Variants in CLIC4 observed in about 807,000 individuals in gnomAD.
CLIC4 encodes CLIC family member 4, also known as chloride intracellular channel protein 4.
In CLIC4, 13 loss-of-function variants were observed where a neutral mutation model predicts 24.6. That is an observed-to-expected ratio of 0.53 (90% CI 0.34 to 0.84). The LOEUF (loss-of-function observed/expected upper bound fraction) is 0.84. CLIC4 is among the 40% of genes least tolerant of loss of function. The pLI is 0.01. For synonymous variants in CLIC4, 104 were observed against 111.3 expected, an observed-to-expected ratio of 0.93 and a Z score of 0.41; for missense variants, 227 against 301.7, an observed-to-expected ratio of 0.75 and a Z score of 1.83.
intron 1 of CLIC4, among the ~76,000 whole-genome samples, chr1:24,763,388 A>G (rs1020629875): frequency 3.9e-5 from 6 of 151,916 alleles, no homozygotes; most frequent in African/African-American, 1.2e-4. Context: ...AAAAATACAA[A>G]AATTAGCCGG....
intron 2 of CLIC4, among the ~76,000 whole-genome samples, chr1:24,809,002 A>T (rs1639585922): frequency 6.6e-6 from 1 of 152,016 alleles, no homozygotes; most frequent in South Asian, 2.1e-4. Flanking sequence ...TTTGATCCTC[A>T]GTTGGTTGAA....
chr1:24,827,895 G>A (rs754868176), intron 4 of CLIC4, among the ~76,000 whole-genome samples: 1 of 152,150 alleles, frequency 6.6e-6, no homozygotes, highest in Non-Finnish European at 1.5e-5. Flanking sequence ...ATGTTAAGCA[G>A]AGTTCTCTCT....
Position 24,841,718 on chromosome 1 carries a change from T to C in CLIC4, c.*781T>C, listed in dbSNP as rs1639945618. The C allele has an allele frequency of 1.3e-5, 2 of 152,642 alleles. No homozygotes were observed. The highest frequency in any genetic ancestry group is 2.1e-4 in the South Asian group (1 of 4,832). 9.5% of individuals were successfully genotyped at this position (152,642 alleles called of 1,614,324 possible). On this transcript the variant is annotated 3_prime_UTR_variant, in exon 6 of 6. Coordinates refer to ENST00000374379, the MANE Select transcript of CLIC4 (RefSeq NM_013943.3). ...ATACTCTGTCTAAATACGTTTGTTA[T>C]ATGTGTTTTGCCCTGTGCCATTCAT...
At chr1:24,752,716 A>G (rs1450946206) in intron 1 of CLIC4, among the ~76,000 whole-genome samples, 1 of 152,114 alleles carries the variant, frequency 6.6e-6, no homozygotes, top group African/African-American at 2.4e-5. Context: ...GTCATCGATA[A>G]TAGTTTATTA....
rs1274418600 is a variant in CLIC4 at position 24,814,077 on chromosome 1, A to T, written c.183-17A>T. 6.2e-7 allele frequency: 1 copy of T among 1,612,704 alleles called. No individual in the cohort carries two copies. The highest frequency in any genetic ancestry group is 8.5e-7 in the Non-Finnish European group (1 of 1,179,896). On this transcript the variant is annotated splice_polypyrimidine_tract_variant and intron_variant, in intron 2 of 5. Transcript: ENST00000374379. The stretch of plus-strand genomic sequence containing the variant: ...AGTAAAAAATGATCTGATTTTGACC[A>T]ATATTTTGCCCAACAGGAAGCCAGC...
chr1:24,808,442 C>T (rs1455669036), intron 2 of CLIC4, among the ~76,000 whole-genome samples: 1 of 152,096 alleles, frequency 6.6e-6, no homozygotes, highest in Non-Finnish European at 1.5e-5. Context: ...GTTGTCATTA[C>T]ACTGTGTTTA....
chr1:24,839,309 GT>G (rs1055628090), intron 4 of CLIC4, among the ~76,000 whole-genome samples: 2 of 151,992 alleles, frequency 1.3e-5, no homozygotes, highest in Non-Finnish European at 2.9e-5. Flanking sequence ...TTGTTAGCAA[GT>G]TTTTTTTGAG....
chr1:24,764,139 G>T (rs1638963140), intron 1 of CLIC4, among the ~76,000 whole-genome samples: 1 of 152,178 alleles, frequency 6.6e-6, no homozygotes, highest in African/African-American at 2.4e-5. Context: ...GGTAGTTGTT[G>T]CCCAGGCTGG....
intron 2 of CLIC4, among the ~76,000 whole-genome samples, chr1:24,813,875 T>G (rs1215486628): frequency 6.6e-6 from 1 of 152,088 alleles, no homozygotes; most frequent in African/African-American, 2.4e-5. Context: ...CGCACCACCA[T>G]GCCTGGCTAA....
chr1:24,751,527 C>T (rs925928376), intron 1 of CLIC4, among the ~76,000 whole-genome samples: 13 of 152,268 alleles, frequency 8.5e-5, no homozygotes, highest in African/African-American at 2.9e-4. Context: ...CGTGAGCCAC[C>T]GTGCCAGTCT....
chr1:24,752,765 C>G (rs1246590041), intron 1 of CLIC4, among the ~76,000 whole-genome samples: 1 of 152,204 alleles, frequency 6.6e-6, no homozygotes, highest in Non-Finnish European at 1.5e-5. Flanking sequence ...GCTCTGTCGC[C>G]AGACTGGAAT....
chr1:24,822,503 C>T (rs1639745351), intron 3 of CLIC4, among the ~76,000 whole-genome samples: 1 of 151,936 alleles, frequency 6.6e-6, no homozygotes, highest in African/African-American at 2.4e-5. Flanking sequence ...TGTGCACCAC[C>T]ACGCCTGGCT....
chr1:24,822,664 A>G (rs1430516924), intron 3 of CLIC4, among the ~76,000 whole-genome samples: 5 of 152,158 alleles, frequency 3.3e-5, no homozygotes, highest in Admixed American at 3.3e-4. Flanking sequence ...TGCTTTGAAA[A>G]AGCAGGTGAA....
rs538257599 is a variant in CLIC4, at chr1:24,745,745, C to T, written c.72+120C>T. ...CTCGGCGCCAGCACCCGTCCCGCTG[C>T]GGGCACCCGCGCCCCCGGCCCATTG... On this transcript the variant is annotated intron_variant, in intron 1 of 5. Coordinates refer to ENST00000374379, the MANE Select transcript of CLIC4 (RefSeq NM_013943.3). 1.1e-3 allele frequency: 733 copies of T among 697,936 alleles called. 2 individuals carry two copies. The highest frequency in any genetic ancestry group is 1.4e-3 in the Non-Finnish European group (651 of 472,368). The allele number at this position is 697,936 out of a possible 1,614,324, so 43.2% of individuals were successfully genotyped here.
chr1:24,827,488 A>G (rs1639798183), intron 4 of CLIC4, among the ~76,000 whole-genome samples: 1 of 150,828 alleles, frequency 6.6e-6, no homozygotes, highest in Admixed American at 6.6e-5. Flanking sequence ...AGCTTAATTT[A>G]AACTGTAACT....
intron 4 of CLIC4, among the ~76,000 whole-genome samples, chr1:24,838,338 T>G (rs1051142161): frequency 6.6e-6 from 1 of 152,184 alleles, no homozygotes; most frequent in African/African-American, 2.4e-5. Context: ...CATATTCACT[T>G]TGGTTTCTGA....
intron 1 of CLIC4, among the ~76,000 whole-genome samples, chr1:24,772,795 A>G (rs992395391): frequency 2.6e-5 from 4 of 152,342 alleles, no homozygotes; most frequent in South Asian, 4.1e-4. Context: ...ATTTTGTAAT[A>G]TATTTTAATG....
intron 2 of CLIC4, among the ~76,000 whole-genome samples, chr1:24,807,622 G>A (rs1482550661): frequency 6.6e-6 from 1 of 152,184 alleles, no homozygotes; most frequent in Non-Finnish European, 1.5e-5. Flanking sequence ...ATTGGAATGA[G>A]TCAGGGTGGA....
chr1:24,756,899 A>C (rs1638859070), intron 1 of CLIC4, among the ~76,000 whole-genome samples: 1 of 137,360 alleles, frequency 7.3e-6, no homozygotes, highest in African/African-American at 2.8e-5. Flanking sequence ...TTTTTTTTTA[A>C]TGTTTTTTTT....
Sources: gnomAD v4.1 joint callset for allele counts (sites outside exome capture counted in the v4.1 genomes callset) on GRCh38, gnomAD v4.1.1 for gene constraint, MANE v1.5 for transcripts, NCBI Gene and HGNC (gene_info 2026-07-23, HGNC 2026-07-21) for gene names.